HOXC5: variants seen among roughly 807,000 people sequenced by gnomAD.
HOXC5 encodes homeobox C5, also known as homeobox protein Hox-C5.
In HOXC5, 19 loss-of-function variants were observed where a neutral mutation model predicts 20.1. That is an observed-to-expected ratio of 0.94 (90% CI 0.66 to 1.38). The LOEUF (loss-of-function observed/expected upper bound fraction) is 1.38, where lower values mean the gene tolerates loss of function less well. HOXC5 is among the 40% of genes most tolerant of loss of function. The probability of loss-of-function intolerance (pLI) is 0.00; values close to 1 mark genes in which losing one functional copy is unlikely to be tolerated. For synonymous variants in HOXC5, 124 were observed against 117.0 expected (o/e 1.06, Z -0.39); for missense variants, 330 against 300.1 (o/e 1.10, Z -0.74).
Position 54,033,440 on chromosome 12 carries a change from G to C in HOXC5, c.318G>C (p.Pro106=), listed in dbSNP as rs376224435. ...TGTACAGTCAGAAGGCGGCTCGCCC[G>C]GCGCTGGAGGAGCGAGCTAAGAGCA... ...PGMYSQKAAR[P]ALEERAKSSG... The change falls in exon 1 of 2, where the codon CCG becomes CCC. Residue 106 remains proline, a synonymous_variant. Coordinates refer to ENST00000312492, the MANE Select transcript of HOXC5 (RefSeq NM_018953.4). 6.2e-7 allele frequency: 1 copy of C among 1,600,932 alleles called. No homozygotes were observed. The highest frequency in any genetic ancestry group is 1.3e-5 in the African/African-American group (1 of 74,728).
chr12:54,033,068 C>A lies in HOXC5; in HGVS notation c.-55C>A. ...AAAAAACCCCTCAACTTCAAAGAGTCACAAATCACCCTTAATCAAAAAGGG... is the reference window on the plus strand; with the variant it reads ...AAAAAACCCCTCAACTTCAAAGAGTAACAAATCACCCTTAATCAAAAAGGG... On this transcript the variant is annotated 5_prime_UTR_variant, in exon 1 of 2. Coordinates refer to ENST00000312492, the MANE Select transcript of HOXC5 (RefSeq NM_018953.4). The A allele has an allele frequency of 6.9e-7, 1 of 1,452,354 alleles. No homozygotes were observed. Among genetic ancestry groups the A allele is most frequent in the Non-Finnish European group, 9.5e-7 (1 of 1,055,260 alleles). The allele number at this position is 1,452,354 out of a possible 1,614,324, so 90.0% of individuals were successfully genotyped here.
intron 1 of HOXC5, 185 bp from the exon 2 acceptor site, chr12:54,034,093 G>A (rs1415648161): frequency 1.4e-6 from 1 of 721,070 alleles, no homozygotes; most frequent in East Asian, 2.7e-5. Context: ...AAAGTTTCCT[G>A]CCTGGGCGGA....
At position 54,034,531 on chromosome 12, in the gene HOXC5, G is replaced by A. The variant is rs1486767767; in HGVS notation, c.*39G>A. On this transcript the variant is annotated 3_prime_UTR_variant, in exon 2 of 2. Transcript: ENST00000312492. The stretch of plus-strand genomic sequence containing the variant: ...GGCCCGCAGAGCGCGCCCCTAGCCG[G>A]TTCCTGTCCCTGCGCCTTTCCTTTT... 3.9e-6 allele frequency: 6 copies of A among 1,542,362 alleles called. No individual in the cohort carries two copies. The highest frequency in any genetic ancestry group is 1.4e-5 in the African/African-American group (1 of 73,344).
At chr12:54,026,007 T>A in the HOXC5 span, among the ~76,000 whole-genome samples, 137 of 152,076 alleles carry the variant, frequency 9.0e-4, no homozygotes, top group African/African-American at 2.8e-3. Context: ...AAGTGAAACC[T>A]CATTAAGACA....
chr12:54,025,316 G>A, the HOXC5 span, among the ~76,000 whole-genome samples: 1 of 152,070 alleles, frequency 6.6e-6, no homozygotes, highest in African/African-American at 2.4e-5. Flanking sequence ...CTAAGTCCCA[G>A]CTTTCCCCCT....
At chr12:54,021,292 T>C in the HOXC5 span, 1 of 152,212 alleles carries the variant, frequency 6.6e-6, no homozygotes, top group African/African-American at 2.4e-5. Flanking sequence ...ATCTGGTTAC[T>C]GGATGAACTG....
chr12:54,017,488 T>C, the HOXC5 span: 4 of 151,918 alleles, frequency 2.6e-5, no homozygotes, highest in East Asian at 1.9e-4. Context: ...CAGCAGCGGC[T>C]TCTCTTGGTT....
chr12:54,017,586 G>A, the HOXC5 span, among the ~76,000 whole-genome samples: 2 of 152,040 alleles, frequency 1.3e-5, no homozygotes, highest in South Asian at 4.2e-4. Context: ...GGGTTAAACT[G>A]GAATACCGGT....
upstream of HOXC5, chr12:54,033,012 C>G (rs1941044924): frequency 6.3e-6 from 5 of 796,920 alleles, no homozygotes; most frequent in South Asian, 1.8e-5. Flanking sequence ...AAAGAGATAT[C>G]TCCACCTATA....
chr12:54,026,727 A>C, the HOXC5 span, among the ~76,000 whole-genome samples: 1 of 152,140 alleles, frequency 6.6e-6, no homozygotes, highest in African/African-American at 2.4e-5. Flanking sequence ...GCTCCTGCAC[A>C]CTGTCTGCTT....
At chr12:54,025,063 G>T in the HOXC5 span, among the ~76,000 whole-genome samples, 1 of 152,188 alleles carries the variant, frequency 6.6e-6, no homozygotes, top group Admixed American at 6.5e-5. Flanking sequence ...AGGCTAAGGG[G>T]CCAGAGCAGT....
In HOXC5 at chr12:54,034,904, C is replaced by G; in HGVS notation, c.*412C>G. ...TCGCCGGACCCTCTAACCTCGCCCT[C>G]TCCTTTGTTCCCGGCTGGACGGGTT... On this transcript the variant is annotated 3_prime_UTR_variant, in exon 2 of 2. Coordinates refer to ENST00000312492, the MANE Select transcript of HOXC5 (RefSeq NM_018953.4). 4.4e-6 allele frequency: 1 copy of G among 227,508 alleles called. No individual in the cohort carries two copies. 14.1% of individuals were successfully genotyped at this position (227,508 alleles called of 1,614,324 possible).
At chr12:54,032,019 G>A (rs529266433), upstream of HOXC5, among the ~76,000 whole-genome samples, 1 of 152,180 alleles carries the variant, frequency 6.6e-6, no homozygotes, top group Non-Finnish European at 1.5e-5. Flanking sequence ...AATATTTGTG[G>A]AGGCTTCAAT....
At chr12:54,031,329 AAG>A (rs955086391), upstream of HOXC5, among the ~76,000 whole-genome samples, 3 of 152,202 alleles carry the variant, frequency 2.0e-5, no homozygotes, top group African/African-American at 7.2e-5. Flanking sequence ...AGCGGAGGGA[AAG>A]AGAAGACCGC....
chr12:54,023,598 A>G, the HOXC5 span, among the ~76,000 whole-genome samples: 3 of 152,102 alleles, frequency 2.0e-5, no homozygotes, highest in African/African-American at 7.2e-5. Context: ...AACATGCCCA[A>G]TCTGCCCTCT....
chr12:54,034,185 C>A, intron 1 of HOXC5, 93 bp from the exon 2 acceptor site: 1 of 1,241,244 alleles, frequency 8.1e-7, no homozygotes, highest in Non-Finnish European at 1.2e-6. Context: ...CCTCTCCCTC[C>A]GGCCGCGGGT....
chr12:54,023,591 A>T, the HOXC5 span, among the ~76,000 whole-genome samples: 1 of 152,166 alleles, frequency 6.6e-6, no homozygotes, highest in South Asian at 2.1e-4. Flanking sequence ...GCAGCTTAAC[A>T]TGCCCAATCT....
chr12:54,019,182 C>T, the HOXC5 span, among the ~76,000 whole-genome samples: 1 of 135,550 alleles, frequency 7.4e-6, no homozygotes, highest in Admixed American at 7.2e-5. Context: ...CCCCCACCCC[C>T]CCACCCCCAG....
In HOXC5 at chr12:54,033,534, CCA is replaced by C. The variant is rs1287245134; in HGVS notation, c.415_416del (p.Gln139AspfsTer38). On this transcript the variant is annotated frameshift_variant, in exon 1 of 2. Coordinates refer to ENST00000312492, the MANE Select transcript of HOXC5 (RefSeq NM_018953.4). LOFTEE classifies it high-confidence loss of function. ...CGGACTGAGCCAGCCACCGGCCCCG[CCA>C]CAGATTTACCCGTGGATGACCAAAC... is the stretch of plus-strand genomic sequence containing the variant. ...PAGLSQPPAP[P>X]QIYPWMTKLH... 6.3e-7 allele frequency: 1 copy of C among 1,598,126 alleles called. No individual in the cohort carries two copies. The highest frequency in any genetic ancestry group is 8.5e-7 in the Non-Finnish European group (1 of 1,176,508).
Sources: allele counts gnomAD v4.1 joint callset (sites outside exome capture counted in the v4.1 genomes callset), GRCh38; gene constraint gnomAD v4.1.1; transcripts MANE v1.5; gene names NCBI Gene and HGNC (gene_info 2026-07-23, HGNC 2026-07-21).